Variants in ANTXR1 observed in about 807,000 individuals in gnomAD.
ANTXR1 encodes the protein anthrax toxin receptor 1.
A neutral mutation model predicts 78.1 loss-of-function variants in ANTXR1; 19 were observed. That is an observed-to-expected ratio of 0.24 (90% CI 0.17 to 0.36). ANTXR1 has a LOEUF of 0.36. ANTXR1 is among the 10% of genes least tolerant of loss of function. The pLI, the probability that ANTXR1 is intolerant of heterozygous loss-of-function variation, is 1.00. For missense variants in ANTXR1, 518 were observed against 718.6 expected, an observed-to-expected ratio of 0.72 and a Z score of 3.19; for synonymous variants, 273 against 260.5, an observed-to-expected ratio of 1.05 and a Z score of -0.46.
chr2:69,095,131 T>A (rs761750657), intron 9 of ANTXR1, among the ~76,000 whole-genome samples: 2 of 152,214 alleles, frequency 1.3e-5, no homozygotes, highest in Non-Finnish European at 2.9e-5. Context: ...AGGTAATGGA[T>A]CTGGAAATCA....
intron 17 of ANTXR1, among the ~76,000 whole-genome samples, chr2:69,240,204 A>T (rs1675861528): frequency 6.6e-6 from 1 of 152,224 alleles, no homozygotes; most frequent in Non-Finnish European, 1.5e-5. Context: ...CCGGTGTGTG[A>T]GCAGTACTTG....
At chr2:69,149,099 T>C (rs866800296) in intron 12 of ANTXR1, among the ~76,000 whole-genome samples, 18 of 152,326 alleles carry the variant, frequency 1.2e-4, no homozygotes, top group Admixed American at 4.6e-4. Context: ...CTGGAAGATC[T>C]CAAAAAACAG....
At chr2:69,141,494 G>A (rs957981436) in intron 12 of ANTXR1, among the ~76,000 whole-genome samples, 6 of 151,816 alleles carry the variant, frequency 4.0e-5, no homozygotes, top group African/African-American at 9.7e-5. Context: ...TCCAGTGTGC[G>A]CAAGTCAACA....
At position 69,013,426 on chromosome 2, in the gene ANTXR1, C is replaced by T. The variant is rs1670924508; in HGVS notation, c.-74C>T. 1 of 1,557,852 alleles carries T rather than the reference C, an allele frequency of 6.4e-7. No homozygotes were observed. The highest frequency in any genetic ancestry group is 2.0e-5 in the Admixed American group (1 of 51,212). ...CCCGCGAGGAAGGGCCCGCGGATGG[C>T]GCGTCCCTGAGGGTCGTGGCGAGTT... On this transcript the variant is annotated 5_prime_UTR_variant, in exon 1 of 18. Coordinates refer to ENST00000303714, the MANE Select transcript of ANTXR1 (RefSeq NM_032208.3). The surrounding 1 kb of genome is among the most constrained non-coding windows in gnomAD (Gnocchi z 5.0).
At chr2:69,182,389 G>A (rs1674296989) in intron 15 of ANTXR1, 104 bp from the exon 16 acceptor site, 3 of 1,376,252 alleles carry the variant, frequency 2.2e-6, no homozygotes, top group Non-Finnish European at 3.0e-6. Context: ...GGAATCCAGG[G>A]TTGGGTAGCA....
At chr2:69,085,726 A>G (rs1355993458) in intron 8 of ANTXR1, among the ~76,000 whole-genome samples, 1 of 152,252 alleles carries the variant, frequency 6.6e-6, no homozygotes, top group Non-Finnish European at 1.5e-5. Context: ...AACACTGTAA[A>G]TTATAAACTA....
intron 2 of ANTXR1, among the ~76,000 whole-genome samples, chr2:69,042,607 T>G (rs1467467022): frequency 6.6e-6 from 1 of 152,190 alleles, no homozygotes; most frequent in African/African-American, 2.4e-5. Context: ...ACAGTGAAAC[T>G]CTTGATCTTG....
At chr2:69,125,069 A>T (rs1672488066) in intron 12 of ANTXR1, among the ~76,000 whole-genome samples, 1 of 152,174 alleles carries the variant, frequency 6.6e-6, no homozygotes, top group Admixed American at 6.5e-5. Flanking sequence ...TATGAGCTGA[A>T]GGAAAATGTG....
At chr2:69,220,778 A>G (rs564586782) in intron 17 of ANTXR1, among the ~76,000 whole-genome samples, 1 of 152,338 alleles carries the variant, frequency 6.6e-6, no homozygotes, top group East Asian at 1.9e-4. Flanking sequence ...TTGGGGGCCA[A>G]TCCTAGCTAA....
intron 12 of ANTXR1, among the ~76,000 whole-genome samples, chr2:69,126,918 C>T (rs1321050350): frequency 2.0e-5 from 3 of 152,178 alleles, no homozygotes; most frequent in Non-Finnish European, 4.4e-5. Context: ...TGCATTATTC[C>T]ATTTTCATGT....
chr2:69,229,913 T>C (rs927828247), intron 17 of ANTXR1, among the ~76,000 whole-genome samples: 4 of 152,176 alleles, frequency 2.6e-5, no homozygotes, highest in African/African-American at 4.8e-5. Context: ...TCAGTACCAA[T>C]GGCTGGTTTT....
At chr2:69,051,063 A>T (rs1009445116) in intron 3 of ANTXR1, among the ~76,000 whole-genome samples, 38 of 152,160 alleles carry the variant, frequency 2.5e-4, no homozygotes, top group African/African-American at 8.9e-4. Context: ...AGGCAGGCTG[A>T]TCACTTGAGG....
intron 1 of ANTXR1, among the ~76,000 whole-genome samples, chr2:69,027,537 A>G (rs966499243): frequency 9.9e-5 from 15 of 152,196 alleles, no homozygotes; most frequent in African/African-American, 3.4e-4. Flanking sequence ...TGGAACAACA[A>G]CATGATCTTA....
intron 1 of ANTXR1, among the ~76,000 whole-genome samples, chr2:69,014,879 C>A (rs560342996): frequency 1.3e-5 from 2 of 152,254 alleles, no homozygotes; most frequent in Admixed American, 1.3e-4. Context: ...AGTGAGATTT[C>A]TTTTCTGCAG....
intron 12 of ANTXR1, among the ~76,000 whole-genome samples, chr2:69,125,003 A>G (rs1045906832): frequency 9.2e-5 from 14 of 152,208 alleles, no homozygotes; most frequent in Admixed American, 8.5e-4. Flanking sequence ...ATTGGACAGC[A>G]TATACAGAAA....
chr2:69,239,259 G>A (rs1050260822), intron 17 of ANTXR1, among the ~76,000 whole-genome samples: 1 of 152,130 alleles, frequency 6.6e-6, no homozygotes, highest in Admixed American at 6.6e-5. Flanking sequence ...CAAGGAAAAG[G>A]TTTCAAAGGA....
At chr2:69,125,705 A>G (rs1268705666) in intron 12 of ANTXR1, among the ~76,000 whole-genome samples, 2 of 152,046 alleles carry the variant, frequency 1.3e-5, no homozygotes, top group Non-Finnish European at 2.9e-5. Context: ...GCTGGGCATG[A>G]TGTCGCACAC....
At chr2:69,026,379 T>C (rs1235897788) in intron 1 of ANTXR1, among the ~76,000 whole-genome samples, 2 of 152,228 alleles carry the variant, frequency 1.3e-5, no homozygotes, top group Non-Finnish European at 2.9e-5. Flanking sequence ...ATAATAATAG[T>C]ATGTGTCACA....
At position 69,077,478 on chromosome 2, in the gene ANTXR1, T is replaced by A. The variant is rs1263598476; in HGVS notation, c.632T>A (p.Ile211Asn). 6.2e-7 allele frequency: 1 copy of A among 1,614,046 alleles called. No individual in the cohort carries two copies. The highest frequency in any genetic ancestry group is 8.5e-7 in the Non-Finnish European group (1 of 1,180,014). Reference sequence around the variant, plus strand: ...GACGGCTTTCAGGCTCTGCAAGGCATCATCCACTCAGTAAGTAGAGCTCTT... The same window carrying A: ...GACGGCTTTCAGGCTCTGCAAGGCAACATCCACTCAGTAAGTAGAGCTCTT... ...VNDGFQALQG[I>N]IHSILKKSCI... is the part of the protein sequence containing the mutation. The change falls in exon 8 of 18, where the codon ATC becomes AAC. Residue 211 changes from isoleucine to asparagine, a missense_variant. Ile to Asn is a moderately radical substitution (Grantham distance 149). This residue lies in a region of ANTXR1 where 264 missense variants were observed against 391.8 expected (regional missense o/e 0.67). Coordinates refer to ENST00000303714, the MANE Select transcript of ANTXR1 (RefSeq NM_032208.3).
Sources: allele counts gnomAD v4.1 joint callset (sites outside exome capture counted in the v4.1 genomes callset), GRCh38; gene constraint gnomAD v4.1.1; regional missense constraint gnomAD v4.1.1; non-coding constraint Gnocchi (gnomAD v3.1); transcripts MANE v1.5; gene names NCBI Gene and HGNC (gene_info 2026-07-23, HGNC 2026-07-21).